Variants in PTPRN2 observed in about 807,000 individuals in gnomAD.
PTPRN2 encodes the protein receptor-type tyrosine-protein phosphatase N2.
A neutral mutation model predicts 118.8 loss-of-function variants in PTPRN2; 74 were observed. That is an observed-to-expected ratio of 0.62 (90% CI 0.52 to 0.76). The LOEUF is 0.76. PTPRN2 is among the 30% of genes least tolerant of loss of function. PTPRN2 has a pLI of 0.00. For missense variants in PTPRN2, 1,481 were observed against 1,394.4 expected, an observed-to-expected ratio of 1.06 and a Z score of -0.99; for synonymous variants, 641 against 608.0, an observed-to-expected ratio of 1.05 and a Z score of -0.80.
intron 11 of PTPRN2, among the ~76,000 whole-genome samples, chr7:158,006,868 A>G (rs957976122): frequency 6.6e-6 from 1 of 152,198 alleles, no homozygotes; most frequent in Admixed American, 6.5e-5. Flanking sequence ...TCATGCGGTC[A>G]TGACATTTTG....
At chr7:157,928,575 C>T (rs1236235645) in intron 11 of PTPRN2, among the ~76,000 whole-genome samples, 1 of 151,986 alleles carries the variant, frequency 6.6e-6, no homozygotes, top group East Asian at 1.9e-4. Flanking sequence ...CCACCCAGGA[C>T]ACTCCCCGTG....
Position 158,407,675 on chromosome 7 carries a change from GGGT to G in PTPRN2, c.163+82057_163+82059del, listed in dbSNP as rs1563255724. 2.2e-5 allele frequency among the ~76,000 whole-genome samples: 3 copies of G among 136,994 alleles called. No individual in the cohort carries two copies. In the East Asian group the frequency reaches 6.8e-4, roughly 31 times the overall value. 89.9% of individuals were successfully genotyped at this position (136,994 alleles called of 152,430 possible). A position where few individuals can be genotyped will look rare whatever the true frequency, so the allele number is the denominator to read the frequency against. On this transcript the variant is annotated intron_variant, in intron 2 of 22. Transcript: ENST00000389418. ...TCCTGCATCCTGCGTCCTGCGTCCT[GGGT>G]CCTGGGTCCTGGGTCCTGCGTCCTG...
intron 10 of PTPRN2, among the ~76,000 whole-genome samples, chr7:158,101,428 G>T (rs188786701): frequency 6.6e-6 from 1 of 152,290 alleles, no homozygotes; most frequent in African/African-American, 2.4e-5. Flanking sequence ...CTAGGAAATA[G>T]CATTGGAAAA....
intron 2 of PTPRN2, among the ~76,000 whole-genome samples, chr7:158,391,506 T>C (rs1478728584): frequency 6.6e-6 from 1 of 152,238 alleles, no homozygotes; most frequent in Non-Finnish European, 1.5e-5. Context: ...AGCTTCTTCC[T>C]GAGGCTTAAG....
chr7:157,876,649 GC>G (rs906401837), intron 12 of PTPRN2, among the ~76,000 whole-genome samples: 3 of 152,174 alleles, frequency 2.0e-5, no homozygotes, highest in Non-Finnish European at 4.4e-5. Flanking sequence ...GAAGACCAGC[GC>G]CCCCACGTGG....
intron 12 of PTPRN2, among the ~76,000 whole-genome samples, chr7:157,743,999 C>T (rs1450392715): frequency 6.6e-6 from 1 of 152,244 alleles, no homozygotes; most frequent in Non-Finnish European, 1.5e-5. Context: ...CGGGGCGATG[C>T]TGCTGCAGGA....
In PTPRN2 at chr7:158,022,330, C is replaced by G. The variant is rs113395904; in HGVS notation, c.1723+58968G>C. Among the ~76,000 whole-genome samples the G allele has an allele frequency of 2.1e-4, 32 of 152,210 alleles. No individual in the cohort carries two copies. Among genetic ancestry groups the G allele is most frequent in the Non-Finnish European group, 4.0e-4 (27 of 68,032 alleles). On this transcript the variant is annotated intron_variant, in intron 11 of 22. Transcript: ENST00000389418. The surrounding 1 kb of genome is among the most constrained non-coding windows in gnomAD (Gnocchi z 4.6). Reference sequence around the variant, plus strand: ...CTTCCTGACGGCCTCCACCACGAGACTTCAGGTCATCCTTTAATGAGGGCC... The same window carrying G: ...CTTCCTGACGGCCTCCACCACGAGAGTTCAGGTCATCCTTTAATGAGGGCC...
intron 5 of PTPRN2, among the ~76,000 whole-genome samples, chr7:158,175,864 A>G (rs1008353735): frequency 6.6e-6 from 1 of 152,042 alleles, no homozygotes; most frequent in African/African-American, 2.4e-5. Context: ...GCATTCTGAG[A>G]GTCTGGAATT....
chr7:157,884,593 G>A (rs1321687892), intron 12 of PTPRN2, among the ~76,000 whole-genome samples: 1 of 152,170 alleles, frequency 6.6e-6, no homozygotes, highest in Non-Finnish European at 1.5e-5. Context: ...GAGGTTTAAT[G>A]GACTCACAGT....
intron 12 of PTPRN2, among the ~76,000 whole-genome samples, chr7:157,718,512 C>T (rs1402456124): frequency 6.6e-6 from 1 of 152,152 alleles, no homozygotes; most frequent in East Asian, 1.9e-4. Flanking sequence ...GCCCCGCAGC[C>T]CTGAGGTGAG....
At chr7:158,034,506 C>T (rs368121148) in intron 11 of PTPRN2, among the ~76,000 whole-genome samples, 2 of 152,128 alleles carry the variant, frequency 1.3e-5, no homozygotes, top group Admixed American at 1.3e-4. Context: ...CTGCTGCCAT[C>T]CATGTAAGAC....
intron 4 of PTPRN2, among the ~76,000 whole-genome samples, chr7:158,195,460 G>A (rs1381151992): frequency 8.6e-5 from 13 of 151,966 alleles, no homozygotes; most frequent in Admixed American, 8.5e-4. Context: ...GGGGCTTATT[G>A]AGCTTTCTGG....
chr7:158,121,603 C>T (rs1026251025), intron 9 of PTPRN2, among the ~76,000 whole-genome samples: 1 of 152,212 alleles, frequency 6.6e-6, no homozygotes, highest in Non-Finnish European at 1.5e-5. Flanking sequence ...ATGGGAGGGG[C>T]TCCACCACGA....
intron 11 of PTPRN2, among the ~76,000 whole-genome samples, chr7:158,078,448 A>G (rs1812546406): frequency 6.6e-6 from 1 of 152,250 alleles, no homozygotes; most frequent in Non-Finnish European, 1.5e-5. Flanking sequence ...GTGTCCGCCC[A>G]TCACCACAGG....
intron 12 of PTPRN2, among the ~76,000 whole-genome samples, chr7:157,767,021 C>T (rs1204618233): frequency 6.6e-6 from 1 of 152,204 alleles, no homozygotes; most frequent in Admixed American, 6.5e-5. Flanking sequence ...CCTGGCACCA[C>T]CTAGCACCAT....
intron 12 of PTPRN2, among the ~76,000 whole-genome samples, chr7:157,896,662 T>C (rs1013688278): frequency 3.3e-5 from 5 of 150,586 alleles, no homozygotes; most frequent in Admixed American, 2.6e-4. Flanking sequence ...CCGTTGTGAG[T>C]GGGCAGCCGG....
intron 3 of PTPRN2, among the ~76,000 whole-genome samples, chr7:158,294,157 G>A (rs1377393225): frequency 2.0e-5 from 3 of 152,158 alleles, no homozygotes; most frequent in Admixed American, 6.5e-5. Context: ...AAGGTCAGTC[G>A]GTGACAGGGG....
chr7:157,683,213 A>G (rs1563340689), intron 12 of PTPRN2, among the ~76,000 whole-genome samples: 1 of 152,212 alleles, frequency 6.6e-6, no homozygotes, highest in African/African-American at 2.4e-5. Context: ...AAATTTATGT[A>G]ACGTATTTGG....
At chr7:158,444,750 C>T (rs948329627) in intron 2 of PTPRN2, among the ~76,000 whole-genome samples, 1 of 152,250 alleles carries the variant, frequency 6.6e-6, no homozygotes, top group Non-Finnish European at 1.5e-5. Flanking sequence ...GTGCTCCTCA[C>T]AGACCCCAAG....
Sources: allele counts gnomAD v4.1 joint callset (sites outside exome capture counted in the v4.1 genomes callset), GRCh38; gene constraint gnomAD v4.1.1; non-coding constraint Gnocchi (gnomAD v3.1); transcripts MANE v1.5; gene names NCBI Gene and HGNC (gene_info 2026-07-23, HGNC 2026-07-21).